The following SCARB2 variants were observed in gnomAD, a reference collection of about 807,000 sequenced individuals.
SCARB2 encodes the protein scavenger receptor class B member 2, also known as lysosome membrane protein 2.
In SCARB2, 29 loss-of-function variants were observed where a neutral mutation model predicts 58.6. The observed-to-expected ratio is 0.49, with a 90% CI of 0.37 to 0.67. The LOEUF is 0.67. Ranked by LOEUF, SCARB2 falls within the 30% of genes least tolerant of loss-of-function variation. SCARB2 has a pLI of 0.00. For synonymous variants in SCARB2, 195 were observed against 210.1 expected (o/e 0.93, Z 0.62); for missense variants, 488 against 578.5 (o/e 0.84, Z 1.60).
intron 7 of SCARB2, among the ~76,000 whole-genome samples, chr4:76,171,038 G>A (rs1226101326): frequency 1.3e-5 from 2 of 150,122 alleles, no homozygotes; most frequent in African/African-American, 4.9e-5. Flanking sequence ...AAGAAGAGAG[G>A]GACCCAACAA....
At chr4:76,166,548 C>T in intron 9 of SCARB2, 1 of 575,916 alleles carries the variant, frequency 1.7e-6, no homozygotes, top group Non-Finnish European at 3.1e-6. Context: ...AAAATGATGA[C>T]TAGTCTCCTT....
intron 2 of SCARB2, among the ~76,000 whole-genome samples, chr4:76,190,419 G>A (rs911960096): frequency 2.0e-5 from 3 of 152,188 alleles, no homozygotes; most frequent in Admixed American, 6.5e-5. Flanking sequence ...GAGAGGTAGC[G>A]CTGAGGAATT....
intron 1 of SCARB2, among the ~76,000 whole-genome samples, chr4:76,230,936 G>T (rs556423692): frequency 3.3e-5 from 5 of 152,288 alleles, no homozygotes; most frequent in South Asian, 2.1e-4. Context: ...GATCACCTGT[G>T]CTGTGCCTTT....
intron 1 of SCARB2, among the ~76,000 whole-genome samples, chr4:76,196,512 G>A (rs552589800): frequency 6.6e-6 from 1 of 152,244 alleles, no homozygotes; most frequent in African/African-American, 2.4e-5. Flanking sequence ...TTCCATGGAT[G>A]GTGTATCTTC....
At chr4:76,166,560 G>A in intron 9 of SCARB2, 1 of 549,288 alleles carries the variant, frequency 1.8e-6, no homozygotes, top group Non-Finnish European at 3.3e-6. Flanking sequence ...AGTCTCCTTA[G>A]AGTCATCAGG....
chr4:76,198,831 A>AGAGT (rs777488092), intron 1 of SCARB2, among the ~76,000 whole-genome samples: 70 of 143,040 alleles, frequency 4.9e-4, no homozygotes, highest in African/African-American at 1.7e-3. Flanking sequence ...CACGTGCTGG[A>AGAGT]GAGTGAGTGA....
At chr4:76,170,060 GC>G in intron 7 of SCARB2, 75 bp from the exon 8 acceptor site, 1 of 1,323,256 alleles carries the variant, frequency 7.6e-7, no homozygotes, top group Non-Finnish European at 1.1e-6. Context: ...AAAGTTCCTG[GC>G]CACAGCCTGG....
At position 76,213,537 on chromosome 4, in the gene SCARB2, G is replaced by T; in HGVS notation, c.7C>A (p.Arg3=). 1 of 1,608,316 alleles carries T rather than the reference G, an allele frequency of 6.2e-7. No homozygotes were observed. Among genetic ancestry groups the T allele is most frequent in the Non-Finnish European group, 8.5e-7 (1 of 1,177,588 alleles). ...GTCCCCGCCGTGTAGAAGCAGCATC[G>T]GCCCATTCTGTGCGCCGCTCACGGG... MG[R]CCFYTAGTLS... is the part of the protein sequence containing the mutation. Residue 3 remains arginine, a synonymous_variant, in exon 1 of 12, where the codon CGA becomes AGA. Coordinates refer to ENST00000264896, the MANE Select transcript of SCARB2 (RefSeq NM_005506.4).
rs1192248173 is a variant in SCARB2, at chr4:76,160,021, G to GT, written c.*1691dup. On this transcript the variant is annotated 3_prime_UTR_variant, in exon 12 of 12. Coordinates refer to ENST00000264896, the MANE Select transcript of SCARB2 (RefSeq NM_005506.4). ...TATTGAAGACCAAATATTTTTGTTA[G>GT]TTTTTTTACATTTTGGTGAGTTGGA... 6.6e-6 allele frequency: 1 copy of GT among 152,010 alleles called. No individual in the cohort carries two copies. Among genetic ancestry groups the GT allele is most frequent in the Non-Finnish European group, 1.5e-5 (1 of 67,978 alleles). 9.4% of individuals were successfully genotyped at this position (152,010 alleles called of 1,614,324 possible). A position where few individuals can be genotyped will look rare whatever the true frequency, so the allele number is the denominator to read the frequency against.
intron 4 of SCARB2, among the ~76,000 whole-genome samples, chr4:76,178,073 G>A (rs1732289598): frequency 6.6e-6 from 1 of 152,170 alleles, no homozygotes; most frequent in Admixed American, 6.5e-5. Context: ...CCTAAGTCCA[G>A]GACCAGGACC....
At chr4:76,183,328 C>T (rs997120426) in intron 2 of SCARB2, among the ~76,000 whole-genome samples, 5 of 152,298 alleles carry the variant, frequency 3.3e-5, no homozygotes, top group Admixed American at 6.5e-5. Context: ...AGACTGCCTT[C>T]CACCTCCTAT....
chr4:76,205,942 G>A (rs534594370), intron 1 of SCARB2, among the ~76,000 whole-genome samples: 5 of 152,272 alleles, frequency 3.3e-5, no homozygotes, highest in East Asian at 3.9e-4. Context: ...CAATAAGGGC[G>A]CAAAGGACGG....
At position 76,160,428 on chromosome 4, in the gene SCARB2, T is replaced by C. The variant is rs142217361; in HGVS notation, c.*1285A>G. 6.6e-6 allele frequency: 1 copy of C among 152,320 alleles called. No individual in the cohort carries two copies. The highest frequency in any genetic ancestry group is 1.9e-4 in the East Asian group (1 of 5,180). 9.4% of individuals were successfully genotyped at this position (152,320 alleles called of 1,614,324 possible). On this transcript the variant is annotated 3_prime_UTR_variant, in exon 12 of 12. Transcript: ENST00000264896. Reference sequence around the variant, plus strand: ...ACTGTGACATATGATGGCTCCCAATTCCCTGTCTTAGGTTATGCTGAAACC... The same window carrying C: ...ACTGTGACATATGATGGCTCCCAATCCCCTGTCTTAGGTTATGCTGAAACC...
In SCARB2 at chr4:76,161,546, C is replaced by T. The variant is rs1731897913; in HGVS notation, c.*167G>A. The T allele has an allele frequency of 4.3e-6, 3 of 699,722 alleles. No individual in the cohort carries two copies. The highest frequency in any genetic ancestry group is 7.7e-6 in the Non-Finnish European group (3 of 391,932). The allele number at this position is 699,722 out of a possible 1,614,324, so 43.3% of individuals were successfully genotyped here. ...TATAAAGCTTAATGGCCAGCCATGT[C>T]AGCCTGCTCTTTAACCTCTGGCCAG... On this transcript the variant is annotated 3_prime_UTR_variant, in exon 12 of 12. Coordinates refer to ENST00000264896, the MANE Select transcript of SCARB2 (RefSeq NM_005506.4).
chr4:76,195,959 T>A, intron 1 of SCARB2, 95 bp from the exon 2 acceptor site: 1 of 813,412 alleles, frequency 1.2e-6, no homozygotes, highest in Non-Finnish European at 2.0e-6. Context: ...TATTCTGACC[T>A]CCTAGATCAC....
intron 1 of SCARB2, among the ~76,000 whole-genome samples, chr4:76,230,609 C>G: frequency 6.6e-6 from 1 of 152,152 alleles, no homozygotes; most frequent in Non-Finnish European, 1.5e-5. Flanking sequence ...CAGTTTGAAG[C>G]TTCCCTTCTC....
At position 76,187,422 on chromosome 4, in the gene SCARB2, A is replaced by C. The variant is rs982865930; in HGVS notation, c.276-6321T>G. 3.8e-4 allele frequency among the ~76,000 whole-genome samples: 58 copies of C among 152,224 alleles called. 1 individual carries two copies. Among genetic ancestry groups the C allele is most frequent in the Non-Finnish European group, 1.3e-4 (9 of 68,036 alleles). ...ACAACTGGCTGGCAAACATGAGGAG[A>C]ACATTCAACCCACGAGGTAACCAGA... On this transcript the variant is annotated intron_variant, in intron 2 of 11. Coordinates refer to ENST00000264896, the MANE Select transcript of SCARB2 (RefSeq NM_005506.4).
intron 4 of SCARB2, among the ~76,000 whole-genome samples, chr4:76,177,432 A>T (rs563013480): frequency 1.3e-5 from 2 of 152,330 alleles, no homozygotes; most frequent in East Asian, 3.9e-4. Flanking sequence ...AAAATGTTGC[A>T]GTCACTGCAG....
chr4:76,221,605 C>G (rs1361975398), intron 1 of SCARB2, among the ~76,000 whole-genome samples: 1 of 152,150 alleles, frequency 6.6e-6, no homozygotes, highest in Non-Finnish European at 1.5e-5. Context: ...CAGGCATGAG[C>G]CACCGCACCC....
Sources: gnomAD v4.1 joint callset for allele counts (sites outside exome capture counted in the v4.1 genomes callset) on GRCh38, gnomAD v4.1.1 for gene constraint, MANE v1.5 for transcripts, NCBI Gene and HGNC (gene_info 2026-07-23, HGNC 2026-07-21) for gene names.